TTC39B: variants seen among roughly 807,000 people sequenced by gnomAD.
TTC39B encodes the protein tetratricopeptide repeat domain 39B.
Under a neutral mutation model 96.6 loss-of-function variants are expected in TTC39B, and 92 were observed. The observed-to-expected ratio is 0.95, with a 90% CI of 0.80 to 1.13. The LOEUF (loss-of-function observed/expected upper bound fraction) is 1.13, where lower values mean the gene tolerates loss of function less well. Among genes scored for constraint, TTC39B ranks in the 50% most tolerant of loss-of-function variants. TTC39B has a pLI of 0.00. For missense variants in TTC39B, 955 were observed against 809.3 expected (o/e 1.18, Z -2.18); for synonymous variants, 367 against 299.4 (o/e 1.23, Z -2.33).
chr9:15,241,724 A>G (rs1191780343), intron 2 of TTC39B, among the ~76,000 whole-genome samples: 1 of 151,056 alleles, frequency 6.6e-6, no homozygotes. Context: ...ATCTTTCGTA[A>G]GTTTCTTTTA....
At chr9:15,211,505 A>G in intron 4 of TTC39B, 108 bp from the exon 5 acceptor site, 5 of 995,954 alleles carry the variant, frequency 5.0e-6, no homozygotes, top group Non-Finnish European at 6.7e-6. Flanking sequence ...TTATTCCTTC[A>G]CCATAATCAC....
At chr9:15,234,118 G>A (rs920681604) in intron 2 of TTC39B, among the ~76,000 whole-genome samples, 9 of 148,624 alleles carry the variant, frequency 6.1e-5, no homozygotes, top group East Asian at 2.1e-4. Context: ...GTCTCTGCCC[G>A]GCCGCCCCGT....
intron 1 of TTC39B, among the ~76,000 whole-genome samples, chr9:15,302,050 C>T (rs967704080): frequency 3.3e-5 from 5 of 152,148 alleles, no homozygotes; most frequent in South Asian, 2.1e-4. Context: ...AGGTTGGGCA[C>T]GGTGGCTCAC....
intron 2 of TTC39B, among the ~76,000 whole-genome samples, chr9:15,226,744 C>T (rs945761852): frequency 1.3e-5 from 2 of 152,106 alleles, no homozygotes; most frequent in African/African-American, 4.8e-5. Flanking sequence ...GAATCTTCGG[C>T]CAGTTTGTTG....
chr9:15,213,261 G>C (rs773705587), intron 4 of TTC39B, among the ~76,000 whole-genome samples: 1 of 152,096 alleles, frequency 6.6e-6, no homozygotes, highest in Non-Finnish European at 1.5e-5. Flanking sequence ...AAAAAGCAGA[G>C]GACAGGCAAG....
intron 2 of TTC39B, among the ~76,000 whole-genome samples, chr9:15,240,386 T>C (rs1457800059): frequency 9.9e-5 from 15 of 152,234 alleles, no homozygotes; most frequent in African/African-American, 3.6e-4. Context: ...GATAAACTTC[T>C]CCCTAAATAA....
chr9:15,195,087 C>A (rs1819077659), intron 8 of TTC39B, among the ~76,000 whole-genome samples: 1 of 152,180 alleles, frequency 6.6e-6, no homozygotes, highest in South Asian at 2.1e-4. Flanking sequence ...AACAGTTAGT[C>A]AACTTGTAAG....
At position 15,293,645 on chromosome 9, in the gene TTC39B, AC is replaced by A. The variant is rs1255638216; in HGVS notation, c.240+13438del. The stretch of plus-strand genomic sequence containing the variant: ...TACCCCAGCCAGGTGATTTCTATGC[AC>A]ACTAAAATATGAGAACCACTTAGGA... On this transcript the variant is annotated intron_variant, in intron 1 of 19. Transcript: ENST00000512701. 2.6e-5 allele frequency among the ~76,000 whole-genome samples: 4 copies of A among 152,238 alleles called. 1 individual carries two copies. Among genetic ancestry groups the A allele is most frequent in the Admixed American group, 2.0e-4 (3 of 15,286 alleles).
At chr9:15,215,272 G>A (rs997016914) in intron 3 of TTC39B, among the ~76,000 whole-genome samples, 1 of 151,920 alleles carries the variant, frequency 6.6e-6, no homozygotes, top group African/African-American at 2.4e-5. Flanking sequence ...GGCTGGGTGT[G>A]GTGGCTGATT....
intron 2 of TTC39B, among the ~76,000 whole-genome samples, chr9:15,236,333 T>C (rs964054427): frequency 6.6e-6 from 1 of 152,190 alleles, no homozygotes; most frequent in African/African-American, 2.4e-5. Flanking sequence ...CAAATGCTAC[T>C]AGACCTAAGA....
intron 1 of TTC39B, among the ~76,000 whole-genome samples, chr9:15,291,936 T>C (rs889911266): frequency 6.6e-6 from 1 of 152,166 alleles, no homozygotes; most frequent in African/African-American, 2.4e-5. Flanking sequence ...TGAGCTTCAG[T>C]CTCCTGATCA....
At position 15,187,044 on chromosome 9, in the gene TTC39B, AAAG is replaced by A. The variant is rs1412251098; in HGVS notation, c.1396-12_1396-10del. Reference sequence around the variant, plus strand: ...AAGAACACATAAGTTGCCTTGAGAAAAAGAAGGAGCTTATTACAGAACATCCCT... The same window carrying A: ...AAGAACACATAAGTTGCCTTGAGAAAAAGGAGCTTATTACAGAACATCCCT... On this transcript the variant is annotated splice_polypyrimidine_tract_variant and intron_variant, in intron 14 of 19. Coordinates refer to ENST00000512701, the Ensembl canonical transcript of TTC39B. 3 of 1,606,918 alleles carry A rather than the reference AAAG, an allele frequency of 1.9e-6. No individual in the cohort carries two copies. The highest frequency in any genetic ancestry group is 1.7e-5 in the Admixed American group (1 of 59,054).
intron 17 of TTC39B, among the ~76,000 whole-genome samples, chr9:15,179,296 G>A (rs970995737): frequency 6.6e-6 from 1 of 152,190 alleles, no homozygotes; most frequent in Non-Finnish European, 1.5e-5. Flanking sequence ...GAACATACGA[G>A]GCCCTGGGAG....
At chr9:15,284,330 C>T (rs536791064) in intron 1 of TTC39B, among the ~76,000 whole-genome samples, 21 of 152,258 alleles carry the variant, frequency 1.4e-4, no homozygotes, top group African/African-American at 4.6e-4. Flanking sequence ...TTTGCAGGAC[C>T]TATTAAAAAA....
At chr9:15,170,795 A>C (rs999542128) in exon 20 of TTC39B, 1 of 152,196 alleles carries the variant, frequency 6.6e-6, no homozygotes, top group Non-Finnish European at 1.5e-5. Flanking sequence ...ACATGTGGGG[A>C]GTTGGGGGCA....
chr9:15,186,602 C>T (rs752411960), intron 15 of TTC39B: 2 of 170,650 alleles, frequency 1.2e-5, no homozygotes, highest in African/African-American at 2.4e-5. Context: ...TTGTTGTTTC[C>T]GTAAAATAAG....
rs192805954 is a variant in TTC39B, at chr9:15,197,856, A to G, written c.824+2005T>C. Among the ~76,000 whole-genome samples the G allele has an allele frequency of 8.0e-3, 1,225 of 152,276 alleles. 22 individuals carry two copies. Among genetic ancestry groups the G allele is most frequent in the African/African-American group, 0.028 (1,153 of 41,546 alleles). On this transcript the variant is annotated intron_variant, in intron 8 of 19. Transcript: ENST00000512701. ...AGTTTTAAAGGGCTGAAAGAAGGAA[A>G]AAAAACCCATCGACTCAGAATACTA...
intron 16 of TTC39B, among the ~76,000 whole-genome samples, chr9:15,182,846 T>C (rs1370210163): frequency 6.6e-6 from 1 of 152,218 alleles, no homozygotes; most frequent in Non-Finnish European, 1.5e-5. Flanking sequence ...AATATTTCAC[T>C]GGGCTTAGGA....
rs35213800 is a variant in TTC39B at position 15,267,950 on chromosome 9, T to TG, written c.241-3dup. ...TTCCAAGGCATCTTCGAAAACGTCCTGGGGGAAATAAAAAATACAATGAGT... is the reference window on the plus strand; with the variant it reads ...TTCCAAGGCATCTTCGAAAACGTCCTGGGGGGAAATAAAAAATACAATGAGT... On this transcript the variant is annotated splice_polypyrimidine_tract_variant and splice_region_variant and intron_variant, in intron 1 of 19. Transcript: ENST00000512701. 1 of 1,609,972 alleles carries TG rather than the reference T, an allele frequency of 6.2e-7. No individual in the cohort carries two copies. Among genetic ancestry groups the TG allele is most frequent in the Non-Finnish European group, 8.5e-7 (1 of 1,178,986 alleles).
Sources: gnomAD v4.1 joint callset for allele counts (sites outside exome capture counted in the v4.1 genomes callset) on GRCh38, gnomAD v4.1.1 for gene constraint, MANE v1.5 for transcripts, NCBI Gene and HGNC (gene_info 2026-07-23, HGNC 2026-07-21) for gene names.